Variants in CSMD1 observed in about 807,000 individuals in gnomAD.
CSMD1 encodes the protein CUB and Sushi multiple domains 1.
A neutral mutation model predicts 417.5 loss-of-function variants in CSMD1; 213 were observed. The observed-to-expected ratio is 0.51, with a 90% confidence interval of 0.46 to 0.57. The LOEUF (loss-of-function observed/expected upper bound fraction) is 0.57, where lower values mean the gene tolerates loss of function less well. CSMD1 is among the 20% of genes least tolerant of loss of function. CSMD1 has a pLI of 0.00. For missense variants in CSMD1, 6,923 were observed against 4,529.7 expected (o/e 1.53, Z -15.17); for synonymous variants, 2,862 against 1,736.8 (o/e 1.65, Z -16.11).
chr8:4,730,208 GAAAAC>G (rs528105713), intron 1 of CSMD1, among the ~76,000 whole-genome samples: 38 of 151,730 alleles, frequency 2.5e-4, no homozygotes, highest in South Asian at 1.5e-3. Context: ...GGAGACAGAA[GAAAAC>G]AAAACAAAAC....
chr8:4,964,536 A>T (rs1437492974), intron 1 of CSMD1, among the ~76,000 whole-genome samples: 1 of 146,926 alleles, frequency 6.8e-6, no homozygotes, highest in African/African-American at 2.5e-5. Flanking sequence ...GGAAGGAAGG[A>T]AGGAAAAAAA....
At chr8:3,338,719 A>AT (rs201272616) in intron 23 of CSMD1, among the ~76,000 whole-genome samples, 3 of 150,686 alleles carry the variant, frequency 2.0e-5, no homozygotes, top group African/African-American at 7.3e-5. Context: ...AAAGGGCTTT[A>AT]TTTTTTTCTT....
At chr8:3,034,621 G>C (rs942307468) in intron 50 of CSMD1, among the ~76,000 whole-genome samples, 2 of 151,978 alleles carry the variant, frequency 1.3e-5, no homozygotes, top group African/African-American at 2.4e-5. Flanking sequence ...AATGCAAAAG[G>C]TTATAAAAAT....
chr8:3,761,826 G>C lies in CSMD1; in HGVS notation c.819-7784C>G, dbSNP rs542836204. 2.6e-5 allele frequency among the ~76,000 whole-genome samples: 4 copies of C among 152,110 alleles called. No individual in the cohort carries two copies. In the South Asian group the frequency reaches 6.2e-4, roughly 24 times the overall value. On this transcript the variant is annotated intron_variant, in intron 5 of 69. Transcript: ENST00000635120. The stretch of plus-strand genomic sequence containing the variant: ...CAGCCAAAATTACCACTTTCTACAA[G>C]TCATTTCTTCCACCCGGAGCGGCAC...
At chr8:4,644,608 C>T (rs960734848) in intron 1 of CSMD1, among the ~76,000 whole-genome samples, 9 of 152,144 alleles carry the variant, frequency 5.9e-5, no homozygotes, top group African/African-American at 1.4e-4. Flanking sequence ...GGTTGTTCAC[C>T]GTGTTGCCCA....
intron 1 of CSMD1, among the ~76,000 whole-genome samples, chr8:4,859,252 T>C (rs1485635774): frequency 8.6e-5 from 13 of 151,890 alleles, no homozygotes; most frequent in Admixed American, 2.6e-4. Flanking sequence ...TTACACCTTA[T>C]ACAAAAATCA....
intron 2 of CSMD1, among the ~76,000 whole-genome samples, chr8:4,428,014 C>G (rs911271994): frequency 6.6e-6 from 1 of 152,268 alleles, no homozygotes. Flanking sequence ...TTCCAAGTAG[C>G]TACTGTACTT....
chr8:4,035,700 T>C (rs1797580580), intron 3 of CSMD1, among the ~76,000 whole-genome samples: 1 of 152,244 alleles, frequency 6.6e-6, no homozygotes, highest in African/African-American at 2.4e-5. Context: ...AGGTTTATGT[T>C]TTCAGTTAAA....
chr8:4,400,534 C>T (rs7831418), intron 3 of CSMD1, among the ~76,000 whole-genome samples: 11,031 of 152,286 alleles, frequency 0.072, 1,360 homozygotes, highest in African/African-American at 0.25. Flanking sequence ...GCCCTCTATG[C>T]CTTTCGTGCA....
Position 3,310,736 on chromosome 8 carries a change from C to G in CSMD1, c.3632-2233G>C, listed in dbSNP as rs1472286033. Among the ~76,000 whole-genome samples, 4 of 152,256 alleles carry G rather than the reference C, an allele frequency of 2.6e-5. No individual in the cohort carries two copies. The East Asian group carries it at 7.7e-4, about 29-fold the overall frequency. On this transcript the variant is annotated intron_variant, in intron 23 of 69. Transcript: ENST00000635120. ...CCCATGCTAACAGGGCATCCAGGTC[C>G]TGTCCGTGAAGAACAAAGCTGTGAA...
At chr8:4,287,551 A>G (rs554011525) in intron 3 of CSMD1, among the ~76,000 whole-genome samples, 1 of 152,262 alleles carries the variant, frequency 6.6e-6, no homozygotes, top group African/African-American at 2.4e-5. Context: ...TATAGATAAC[A>G]AAGACGGGGG....
intron 10 of CSMD1, among the ~76,000 whole-genome samples, chr8:3,562,812 A>G (rs1799526728): frequency 6.6e-6 from 1 of 152,062 alleles, no homozygotes; most frequent in Non-Finnish European, 1.5e-5. Flanking sequence ...AAAAACAACT[A>G]AGGCGCACTA....
chr8:3,913,159 C>T (rs758781045), intron 5 of CSMD1, among the ~76,000 whole-genome samples: 7 of 151,954 alleles, frequency 4.6e-5, no homozygotes, highest in Middle Eastern at 3.2e-3. Context: ...CATGTTACAT[C>T]GACAGGGAGA....
intron 1 of CSMD1, among the ~76,000 whole-genome samples, chr8:4,886,894 C>G (rs1227867807): frequency 6.6e-6 from 1 of 151,920 alleles, no homozygotes; most frequent in Non-Finnish European, 1.5e-5. Context: ...CTATTTAAGA[C>G]TTTTTAAAAA....
At chr8:3,867,160 A>G (rs1233233974) in intron 5 of CSMD1, among the ~76,000 whole-genome samples, 3 of 152,202 alleles carry the variant, frequency 2.0e-5, no homozygotes, top group South Asian at 2.1e-4. Context: ...AAAAGGCAGA[A>G]TAGTTCACTG....
At chr8:4,392,525 A>AT (rs1461671767) in intron 3 of CSMD1, among the ~76,000 whole-genome samples, 3 of 152,224 alleles carry the variant, frequency 2.0e-5, no homozygotes, top group Non-Finnish European at 4.4e-5. Context: ...GTGTGTGGAG[A>AT]TGGGAGTGTC....
intron 3 of CSMD1, among the ~76,000 whole-genome samples, chr8:4,185,834 A>T (rs1325682611): frequency 6.6e-6 from 1 of 152,206 alleles, no homozygotes; most frequent in Non-Finnish European, 1.5e-5. Flanking sequence ...GCCCTGCATA[A>T]GCATGCAATG....
intron 2 of CSMD1, among the ~76,000 whole-genome samples, chr8:4,494,945 A>G (rs762993016): frequency 6.6e-6 from 1 of 152,168 alleles, no homozygotes; most frequent in Non-Finnish European, 1.5e-5. Flanking sequence ...ATACATAATT[A>G]AAAGGCAGCA....
At chr8:4,765,315 T>G (rs1300795613) in intron 1 of CSMD1, among the ~76,000 whole-genome samples, 3 of 152,192 alleles carry the variant, frequency 2.0e-5, no homozygotes, top group Middle Eastern at 3.2e-3. Context: ...TAGCAATCCC[T>G]TCTGTGACTG....
Sources: allele counts gnomAD v4.1 joint callset (sites outside exome capture counted in the v4.1 genomes callset), GRCh38; gene constraint gnomAD v4.1.1; transcripts MANE v1.5; gene names NCBI Gene and HGNC (gene_info 2026-07-23, HGNC 2026-07-21).